The following DGKI variants were observed in gnomAD, a reference collection of about 807,000 sequenced individuals.
DGKI encodes the protein DAG kinase iota.
A neutral mutation model predicts 147.5 loss-of-function variants in DGKI; 55 were observed. The observed-to-expected ratio is 0.37, with a 90% CI of 0.30 to 0.47. The LOEUF is 0.47. Ranked by LOEUF, DGKI falls within the 20% of genes least tolerant of loss-of-function variation. The probability of loss-of-function intolerance (pLI) is 1.00; values close to 1 mark genes in which losing one functional copy is unlikely to be tolerated. For synonymous variants in DGKI, 469 were observed against 477.1 expected (o/e 0.98, Z 0.22); for missense variants, 1,007 against 1,323.8 (o/e 0.76, Z 3.71).
At chr7:137,484,233 T>C (rs1046584271) in intron 23 of DGKI, among the ~76,000 whole-genome samples, 2 of 152,080 alleles carry the variant, frequency 1.3e-5, no homozygotes, top group Admixed American at 6.6e-5. Flanking sequence ...AGGGTATCAT[T>C]GGTAGGGGGA....
At chr7:137,494,463 CA>C (rs1419093636) in intron 21 of DGKI, among the ~76,000 whole-genome samples, 1 of 152,192 alleles carries the variant, frequency 6.6e-6, no homozygotes, top group African/African-American at 2.4e-5. Context: ...ATCAGGCTAA[CA>C]GCTGACCTTA....
intron 1 of DGKI, among the ~76,000 whole-genome samples, chr7:137,736,974 T>G (rs1354421420): frequency 6.6e-6 from 1 of 152,068 alleles, no homozygotes; most frequent in East Asian, 1.9e-4. Context: ...ATAAGCCAGA[T>G]TGAATCAAAG....
In DGKI at chr7:137,387,895, T is replaced by C. The variant is rs1811226117; in HGVS notation, c.*3325A>G. On this transcript the variant is annotated 3_prime_UTR_variant, in exon 33 of 33. Transcript: ENST00000614521. ...AAGGGGTCTAGTAAATAAATAAATT[T>C]CAGAAATTCGTTAGGCAAAGGGACT... The C allele has an allele frequency of 6.6e-6, 1 of 152,174 alleles. No homozygotes were observed. Among genetic ancestry groups the C allele is most frequent in the Non-Finnish European group, 1.5e-5 (1 of 68,028 alleles). The allele number at this position is 152,174 out of a possible 1,614,324, so 9.4% of individuals were successfully genotyped here.
chr7:137,775,194 G>A (rs547646437), intron 1 of DGKI, among the ~76,000 whole-genome samples: 96 of 152,036 alleles, frequency 6.3e-4, no homozygotes, highest in Middle Eastern at 3.4e-3. Context: ...CATATAAGTG[G>A]GGAAATCCAG....
chr7:137,409,984 A>C (rs979537081), intron 29 of DGKI, among the ~76,000 whole-genome samples: 8 of 152,184 alleles, frequency 5.3e-5, no homozygotes, highest in Non-Finnish European at 1.5e-5. Context: ...TTCTGCTCAG[A>C]AGAAAGAAAC....
rs778003452 is a variant in DGKI at position 137,397,405 on chromosome 7, C to T, written c.2929G>A (p.Glu977Lys). 13 of 1,612,974 alleles carry T rather than the reference C, an allele frequency of 8.1e-6. No homozygotes were observed. The highest frequency in any genetic ancestry group is 2.7e-5 in the African/African-American group (2 of 74,848). ...VKYILDHGPS[E>K]LLDMADSETG... is the part of the protein sequence containing the mutation. ...TCACTGTCTGCCATATCCAATAACT[C>T]GGAAGGTCCTAAATAAGAAGAAAGC... Residue 977 changes from glutamate (E) to lysine (K), a missense_variant, in exon 31 of 33, where the codon GAG (glutamate) becomes AAG (lysine). Glu to Lys is a moderately conservative substitution (Grantham distance 56, BLOSUM62 1). Around this residue, in one of 5 missense-constraint regions of DGKI, gnomAD observed 385 missense variants for 445.2 expected, o/e 0.86. Transcript: ENST00000614521.
At chr7:137,475,352 A>C (rs1815133544) in intron 23 of DGKI, among the ~76,000 whole-genome samples, 1 of 151,076 alleles carries the variant, frequency 6.6e-6, no homozygotes, top group Non-Finnish European at 1.5e-5. Context: ...CTCTGTTCAC[A>C]ACATTAGATG....
intron 6 of DGKI, among the ~76,000 whole-genome samples, chr7:137,627,814 G>A (rs1033944151): frequency 6.6e-6 from 1 of 152,112 alleles, no homozygotes; most frequent in Non-Finnish European, 1.5e-5. Flanking sequence ...GAGGAGAGAC[G>A]GCAAAGCTCA....
At chr7:137,485,281 G>A in intron 23 of DGKI, 93 bp downstream of exon 23, 1 of 930,234 alleles carries the variant, frequency 1.1e-6, no homozygotes, top group South Asian at 1.5e-5. Flanking sequence ...CCCTAGGGAA[G>A]ATGTGAACTC....
intron 29 of DGKI, among the ~76,000 whole-genome samples, chr7:137,411,321 T>C (rs1812154713): frequency 6.6e-6 from 1 of 152,126 alleles, no homozygotes; most frequent in Admixed American, 6.5e-5. Flanking sequence ...TAGATGATGT[T>C]ATATTATATA....
intron 8 of DGKI, among the ~76,000 whole-genome samples, chr7:137,610,898 A>T (rs1820340720): frequency 6.6e-6 from 1 of 152,152 alleles, no homozygotes; most frequent in South Asian, 2.1e-4. Flanking sequence ...TTCAAGAACT[A>T]CCATCTGTCC....
In DGKI at chr7:137,674,954, C is replaced by T. The variant is rs116830274; in HGVS notation, c.606+3603G>A. ...ATTCACTCCTCCCCTGAGCACTCTGCCTGTACTTTGTTTAGGAGCCTGCAG... is the reference window on the plus strand; with the variant it reads ...ATTCACTCCTCCCCTGAGCACTCTGTCTGTACTTTGTTTAGGAGCCTGCAG... On this transcript the variant is annotated intron_variant, in intron 3 of 32. Transcript: ENST00000614521. Among the ~76,000 whole-genome samples the T allele has an allele frequency of 6.6e-3, 998 of 152,264 alleles. 9 individuals are homozygous for T. Among genetic ancestry groups the T allele is most frequent in the African/African-American group, 0.023 (941 of 41,556 alleles).
intron 19 of DGKI, among the ~76,000 whole-genome samples, chr7:137,559,880 C>T (rs1818359646): frequency 6.6e-6 from 1 of 152,188 alleles, no homozygotes; most frequent in Admixed American, 6.5e-5. Flanking sequence ...AGTATAGTGA[C>T]AGAATCAATA....
chr7:137,639,626 C>A (rs999759852), intron 6 of DGKI, among the ~76,000 whole-genome samples: 6 of 152,132 alleles, frequency 3.9e-5, no homozygotes, highest in Admixed American at 1.3e-4. Flanking sequence ...GCAGGCCCAA[C>A]AGCAGCAGCC....
chr7:137,484,348 C>T (rs1435748238), intron 23 of DGKI, among the ~76,000 whole-genome samples: 1 of 151,972 alleles, frequency 6.6e-6, no homozygotes, highest in East Asian at 1.9e-4. Flanking sequence ...AAAATAGACA[C>T]AAAAATCCAA....
At chr7:137,837,277 G>T (rs1483118525) in intron 1 of DGKI, among the ~76,000 whole-genome samples, 3 of 152,210 alleles carry the variant, frequency 2.0e-5, no homozygotes, top group Non-Finnish European at 4.4e-5. Flanking sequence ...ATATTCACAG[G>T]TAGGGAGGTA....
At chr7:137,678,941 C>T (rs1387020005) in intron 2 of DGKI, among the ~76,000 whole-genome samples, 2 of 152,146 alleles carry the variant, frequency 1.3e-5, no homozygotes, top group South Asian at 2.1e-4. Context: ...GGAAAAAACA[C>T]CTCTAAATAG....
intron 1 of DGKI, among the ~76,000 whole-genome samples, chr7:137,737,455 A>C (rs1795055999): frequency 1.3e-5 from 2 of 152,154 alleles, no homozygotes; most frequent in East Asian, 3.9e-4. Flanking sequence ...TACTGTCATA[A>C]AATACAAACA....
intron 19 of DGKI, among the ~76,000 whole-genome samples, chr7:137,559,933 T>A (rs1228028086): frequency 6.6e-6 from 1 of 152,242 alleles, no homozygotes; most frequent in African/African-American, 2.4e-5. Context: ...TGTATAATTC[T>A]GGAACAAAAG....
Sources: gnomAD v4.1 joint callset for allele counts (sites outside exome capture counted in the v4.1 genomes callset) on GRCh38, gnomAD v4.1.1 for gene constraint, gnomAD v4.1.1 regional missense constraint, MANE v1.5 for transcripts, NCBI Gene and HGNC (gene_info 2026-07-23, HGNC 2026-07-21) for gene names.